Variants in TRANK1 observed in about 807,000 individuals in gnomAD.
TRANK1 encodes TPR and ankyrin repeat-containing protein 1.
Under a neutral mutation model 266.0 loss-of-function variants are expected in TRANK1, and 198 were observed. That is an observed-to-expected ratio of 0.74 (90% CI 0.66 to 0.84). The LOEUF is 0.84. TRANK1 is among the 40% of genes least tolerant of loss of function. The pLI is 0.00. For missense variants in TRANK1, 3,326 were observed against 3,634.6 expected, an observed-to-expected ratio of 0.92 and a Z score of 2.18; for synonymous variants, 1,396 against 1,384.1, an observed-to-expected ratio of 1.01 and a Z score of -0.19.
intron 15 of TRANK1, 92 bp from the exon 16 acceptor site, chr3:36,847,438 C>G (rs985032513): frequency 7.0e-7 from 1 of 1,425,146 alleles, no homozygotes; most frequent in Non-Finnish European, 9.5e-7. Flanking sequence ...TAAGCCTCAT[C>G]GGGGGACCAG....
At chr3:36,925,685 G>A (rs1249372024) in intron 1 of TRANK1, among the ~76,000 whole-genome samples, 1 of 151,656 alleles carries the variant, frequency 6.6e-6, no homozygotes, top group Non-Finnish European at 1.5e-5. Context: ...CTGCCTCTCG[G>A]GTTCAAGCAA....
intron 1 of TRANK1, among the ~76,000 whole-genome samples, chr3:36,936,505 A>C (rs1442577220): frequency 6.6e-6 from 1 of 152,052 alleles, no homozygotes; most frequent in Non-Finnish European, 1.5e-5. Flanking sequence ...GAAAAAAAAA[A>C]AAGGAAATTG....
chr3:36,845,448 C>T (rs2078902104), intron 17 of TRANK1, among the ~76,000 whole-genome samples: 2 of 152,096 alleles, frequency 1.3e-5, no homozygotes, highest in South Asian at 2.1e-4. Flanking sequence ...AAACCCAGTT[C>T]TTGTTAAACA....
At chr3:36,904,878 T>G (rs1007710080) in intron 2 of TRANK1, among the ~76,000 whole-genome samples, 5 of 152,020 alleles carry the variant, frequency 3.3e-5, no homozygotes, top group African/African-American at 9.7e-5. Context: ...CTAGAGGTTC[T>G]CAGCACCCTG....
At chr3:36,930,940 A>G (rs2080353235) in intron 1 of TRANK1, among the ~76,000 whole-genome samples, 1 of 152,204 alleles carries the variant, frequency 6.6e-6, no homozygotes, top group African/African-American at 2.4e-5. Flanking sequence ...CAAATATCTC[A>G]TTTTTTAAAA....
At position 36,931,663 on chromosome 3, in the gene TRANK1, C is replaced by T. The variant is rs576904063; in HGVS notation, c.23+13124G>A. On this transcript the variant is annotated intron_variant, in intron 1 of 23. Coordinates refer to ENST00000645898, the MANE Select transcript of TRANK1 (RefSeq NM_001329998.2). ...GCTGCAGTTAGCCATGATCATGCCA[C>T]TGCACTACAGGCTGGACAACACAGC... Among the ~76,000 whole-genome samples the T allele has an allele frequency of 2.0e-5, 3 of 152,292 alleles. No homozygotes were observed. In the South Asian group the frequency reaches 6.2e-4, roughly 32 times the overall value.
At position 36,855,779 on chromosome 3, in the gene TRANK1, T is replaced by C; in HGVS notation, c.3943A>G (p.Ser1315Gly). ...AACGTCACGTACACCCGGGGGTCACTGTCACCCGTACGCATTTCTACAGCT... is the reference window on the plus strand; with the variant it reads ...AACGTCACGTACACCCGGGGGTCACCGTCACCCGTACGCATTTCTACAGCT... ...DKAVEMRTGD[S>G]DPRVYVTFEV... is the part of the protein sequence containing the mutation. Residue 1315 changes from serine (S) to glycine (G), a missense_variant, in exon 13 of 24, where the codon AGT becomes GGT. Physicochemically the swap from Ser to Gly is moderately conservative, Grantham distance 56 (BLOSUM62 0). Coordinates refer to ENST00000645898, the MANE Select transcript of TRANK1 (RefSeq NM_001329998.2). The C allele has an allele frequency of 6.2e-7, 1 of 1,613,784 alleles. No individual in the cohort carries two copies. The highest frequency in any genetic ancestry group is 1.1e-5 in the South Asian group (1 of 91,080).
intron 1 of TRANK1, among the ~76,000 whole-genome samples, chr3:36,926,377 T>C (rs2080288470): frequency 6.6e-6 from 1 of 152,222 alleles, no homozygotes. Context: ...ATTACACTCT[T>C]AGCAGTCCCA....
Position 36,916,020 on chromosome 3 carries a change from A to T in TRANK1, c.24-7566T>A, listed in dbSNP as rs973981005. On this transcript the variant is annotated intron_variant, in intron 1 of 23. Transcript: ENST00000645898. ...TCAGAGGGTCTTGGAATTCATCTAA[A>T]TGCAACTGGGAAAGCAGCATTGTCT... 7.2e-5 allele frequency among the ~76,000 whole-genome samples: 11 copies of T among 152,326 alleles called. No individual in the cohort carries two copies. The Middle Eastern group carries it at 0.01, about 141-fold the overall frequency.
Position 36,864,436 on chromosome 3 carries a change from T to C in TRANK1, c.1123A>G (p.Arg375Gly), listed in dbSNP as rs373076646. 3.3e-6 allele frequency: 5 copies of C among 1,536,438 alleles called. No individual in the cohort carries two copies. The African/African-American group carries it at 6.8e-5, about 21-fold the overall frequency. ...DGPTSENDIF[R>G]KVLEQLVKYM... is the part of the protein sequence containing the mutation. ...TTCACCAGCTGCTCCAAGACCTTCCTGAAAATGTCGTTTTCACTAGTGGGT... is the reference window on the plus strand; with the variant it reads ...TTCACCAGCTGCTCCAAGACCTTCCCGAAAATGTCGTTTTCACTAGTGGGT... The change falls in exon 10 of 24, where the codon AGG becomes GGG. Residue 375 changes from arginine (R) to glycine (G), a missense_variant. Transcript: ENST00000645898.
At chr3:36,904,553 TA>T (rs2079934218) in intron 2 of TRANK1, among the ~76,000 whole-genome samples, 1 of 151,642 alleles carries the variant, frequency 6.6e-6, no homozygotes, top group Non-Finnish European at 1.5e-5. Context: ...ATCGTAAAAA[TA>T]ATACAAATCA....
intron 22 of TRANK1, 130 bp from the exon 23 acceptor site, chr3:36,829,792 A>G (rs1249180634): frequency 1.1e-6 from 1 of 933,970 alleles, no homozygotes; most frequent in Non-Finnish European, 1.6e-6. Flanking sequence ...AGCCCTCCTT[A>G]TCGGGTAAGG....
intron 3 of TRANK1, among the ~76,000 whole-genome samples, chr3:36,902,085 G>A (rs934662024): frequency 6.6e-6 from 1 of 152,054 alleles, no homozygotes; most frequent in Admixed American, 6.6e-5. Context: ...CTACTTATAA[G>A]ATCCACTGAC....
chr3:36,838,696 C>T lies in TRANK1; in HGVS notation c.5301G>A (p.Gln1767=). ...QCWKVAAKCY[Q]KGGAFEKEKL... is the part of the protein sequence containing the mutation. ...TCTCCTTCTCAAATGCACCTCCTTT[C>T]TGGTAACACTTGGCTGCAACCTGGA... The change falls in exon 19 of 24, where the codon CAG becomes CAA. Residue 1767 remains glutamine, a synonymous_variant. Transcript: ENST00000645898. 1 of 1,613,640 alleles carries T rather than the reference C, an allele frequency of 6.2e-7. No homozygotes were observed. Among genetic ancestry groups the T allele is most frequent in the Non-Finnish European group, 8.5e-7 (1 of 1,179,732 alleles).
At chr3:36,910,613 A>G (rs2125634662) in intron 1 of TRANK1, among the ~76,000 whole-genome samples, 1 of 151,990 alleles carries the variant, frequency 6.6e-6, no homozygotes, top group African/African-American at 2.4e-5. Context: ...GGTGGCACGC[A>G]CCTGTAATCC....
chr3:36,831,683 G>T lies in TRANK1; in HGVS notation c.7900C>A (p.Leu2634Met), dbSNP rs1193848883. Residue 2634 changes from leucine to methionine, a missense_variant, in exon 22 of 24, where the codon CTG becomes ATG. Leu to Met is a conservative substitution (Grantham distance 15, BLOSUM62 2). Transcript: ENST00000645898. The surrounding 1 kb of genome is among the most constrained non-coding windows in gnomAD (Gnocchi z 5.0). ...TACTCTTCATCCCGCTCAAAGAGCA[G>T]GTCCTGCAGTGCCTCAGCCACAGAC... ...VKSVAEALQDLLFERDEEYLM... is the reference protein window; with the variant it reads ...VKSVAEALQDMLFERDEEYLM... 6.2e-7 allele frequency: 1 copy of T among 1,614,000 alleles called. No individual in the cohort carries two copies. The highest frequency in any genetic ancestry group is 1.7e-5 in the Admixed American group (1 of 60,018).
chr3:36,889,047 A>G (rs2079648897), intron 8 of TRANK1, among the ~76,000 whole-genome samples: 1 of 152,114 alleles, frequency 6.6e-6, no homozygotes, highest in African/African-American at 2.4e-5. Flanking sequence ...CTCCATCTCA[A>G]AAAAAATCCA....
chr3:36,847,574 A>C (rs964802231), intron 15 of TRANK1, among the ~76,000 whole-genome samples: 2 of 152,188 alleles, frequency 1.3e-5, no homozygotes, highest in African/African-American at 4.8e-5. Context: ...CCAAGAAGCT[A>C]AGAAGCCAGG....
At chr3:36,878,332 T>G (rs981463617) in intron 8 of TRANK1, among the ~76,000 whole-genome samples, 7 of 152,310 alleles carry the variant, frequency 4.6e-5, no homozygotes, top group Middle Eastern at 3.4e-3. Flanking sequence ...AAAATCGTCT[T>G]GCACAAAACC....
Sources: gnomAD v4.1 joint callset for allele counts (sites outside exome capture counted in the v4.1 genomes callset) on GRCh38, gnomAD v4.1.1 for gene constraint, Gnocchi (gnomAD v3.1) non-coding constraint, MANE v1.5 for transcripts, NCBI Gene and HGNC (gene_info 2026-07-23, HGNC 2026-07-21) for gene names.